KLHL7: variants seen among roughly 807,000 people sequenced by gnomAD.
KLHL7 encodes kelch-like protein 7.
Under a neutral mutation model 67.4 loss-of-function variants are expected in KLHL7, and 44 were observed. The observed-to-expected ratio is 0.65, with a 90% CI of 0.51 to 0.84. The LOEUF (loss-of-function observed/expected upper bound fraction) is 0.84, where lower values mean the gene tolerates loss of function less well. Among genes scored for constraint, KLHL7 ranks in the 40% least tolerant of loss-of-function variants. The pLI is 0.00. For missense variants in KLHL7, 362 were observed against 718.1 expected, an observed-to-expected ratio of 0.50 and a Z score of 5.67; for synonymous variants, 252 against 243.3, an observed-to-expected ratio of 1.04 and a Z score of -0.33.
rs185605261 is a variant in KLHL7, at chr7:23,132,316, G to T, written c.442+7144G>T. On this transcript the variant is annotated intron_variant, in intron 4 of 10. Transcript: ENST00000339077. ...TTTCTCCACATCCTTGCCAGCATTT[G>T]TTATTAACTATCTTTTGGATATGAG... Among the ~76,000 whole-genome samples the T allele has an allele frequency of 3.6e-3, 555 of 152,260 alleles. 3 individuals are homozygous for T. The highest frequency in any genetic ancestry group is 0.012 in the African/African-American group (497 of 41,562).
At chr7:23,119,327 C>A (rs1037548645) in intron 1 of KLHL7, among the ~76,000 whole-genome samples, 6 of 152,140 alleles carry the variant, frequency 3.9e-5, no homozygotes, top group African/African-American at 1.4e-4. Context: ...GCCTCAGCCT[C>A]CTGAGTAGCT....
At chr7:23,106,847 C>CT (rs112396697) in intron 1 of KLHL7, 33,488 of 791,166 alleles carry the variant, frequency 0.042, 53 homozygotes, top group African/African-American at 0.045. Flanking sequence ...AACAAAGAGG[C>CT]TTTTTTTTTT....
chr7:23,108,067 A>G (rs1162472869), intron 1 of KLHL7, among the ~76,000 whole-genome samples: 2 of 152,138 alleles, frequency 1.3e-5, no homozygotes, highest in Non-Finnish European at 2.9e-5. Context: ...TTCTTTAGTA[A>G]ATATTTTTGT....
chr7:23,128,305 T>C (rs1055643963), intron 4 of KLHL7, among the ~76,000 whole-genome samples: 5 of 150,476 alleles, frequency 3.3e-5, no homozygotes, highest in African/African-American at 1.2e-4. Context: ...AGGAAGCCAC[T>C]AGTGAGAAGA....
chr7:23,150,001 A>G (rs1452861142), intron 6 of KLHL7, among the ~76,000 whole-genome samples: 1 of 152,168 alleles, frequency 6.6e-6, no homozygotes, highest in Non-Finnish European at 1.5e-5. Context: ...TGCATGTGTC[A>G]GGAATTTTTG....
chr7:23,120,082 T>G (rs1185715683), intron 1 of KLHL7, among the ~76,000 whole-genome samples: 2 of 152,194 alleles, frequency 1.3e-5, no homozygotes, highest in African/African-American at 4.8e-5. Flanking sequence ...CAATCTCGGC[T>G]CACTGCAACC....
At chr7:23,145,418 G>A (rs1385756498) in intron 6 of KLHL7, among the ~76,000 whole-genome samples, 1 of 151,802 alleles carries the variant, frequency 6.6e-6, no homozygotes, top group Non-Finnish European at 1.5e-5. Context: ...GTTTTCTTAT[G>A]TTGTCTGTAT....
intron 4 of KLHL7, among the ~76,000 whole-genome samples, chr7:23,127,090 C>A (rs929508): frequency 0.43 from 65,831 of 151,942 alleles, 15,696 homozygotes; most frequent in African/African-American, 0.64. Context: ...ATACTATAAA[C>A]GGGGAATTAC....
chr7:23,138,814 G>T (rs1182546149), intron 4 of KLHL7, among the ~76,000 whole-genome samples: 2 of 152,116 alleles, frequency 1.3e-5, no homozygotes, highest in African/African-American at 4.8e-5. Flanking sequence ...GGGATTACAG[G>T]CATGAGCCAC....
chr7:23,106,867 A>G, intron 1 of KLHL7: 1 of 930,352 alleles, frequency 1.1e-6, no homozygotes, highest in Non-Finnish European at 1.3e-6. Context: ...TTTTAATTCC[A>G]TAACATCTAC....
intron 3 of KLHL7, 23 bp from the exon 4 acceptor site, chr7:23,125,025 T>A (rs946591806): frequency 8.7e-6 from 14 of 1,601,374 alleles, no homozygotes; most frequent in Non-Finnish European, 6.8e-6. Context: ...GGGTAACTAA[T>A]ATTCCCTCTA....
chr7:23,115,561 T>C (rs919264088), intron 1 of KLHL7, among the ~76,000 whole-genome samples: 1 of 152,040 alleles, frequency 6.6e-6, no homozygotes, highest in African/African-American at 2.4e-5. Context: ...GTTTTTTTTT[T>C]GAGATGGAGT....
intron 1 of KLHL7, among the ~76,000 whole-genome samples, chr7:23,119,570 G>A (rs1287798579): frequency 6.6e-6 from 1 of 152,240 alleles, no homozygotes; most frequent in Middle Eastern, 3.4e-3. Context: ...ACATGTTACA[G>A]GTTTTGACAA....
At chr7:23,113,355 A>G (rs1048687591) in intron 1 of KLHL7, among the ~76,000 whole-genome samples, 1 of 152,180 alleles carries the variant, frequency 6.6e-6, no homozygotes, top group Non-Finnish European at 1.5e-5. Context: ...AAAAATGAGG[A>G]GGCTAATATA....
intron 8 of KLHL7, among the ~76,000 whole-genome samples, chr7:23,166,907 C>T (rs1307432276): frequency 6.6e-6 from 1 of 151,920 alleles, no homozygotes; most frequent in African/African-American, 2.4e-5. Context: ...ATAGTGTCCA[C>T]CCACTGAACC....
chr7:23,165,589 G>A (rs896421034), intron 7 of KLHL7, 109 bp from the exon 8 acceptor site: 1 of 1,223,546 alleles, frequency 8.2e-7, no homozygotes, highest in Non-Finnish European at 1.2e-6. Context: ...TGTATGTGTA[G>A]TCTAATAAAT....
At chr7:23,113,395 A>G (rs1782955645) in intron 1 of KLHL7, among the ~76,000 whole-genome samples, 1 of 152,212 alleles carries the variant, frequency 6.6e-6, no homozygotes, top group Non-Finnish European at 1.5e-5. Context: ...TTTCAATCCC[A>G]TGGAAACATT....
Position 23,150,741 on chromosome 7 carries a change from G to C in KLHL7, c.794-1326G>C, listed in dbSNP as rs549593309. Reference sequence around the variant, plus strand: ...CCACATCCCCACCATCAATGGAAGAGAGTGCTGCCTCCCCCGATACAACCA... The same window carrying C: ...CCACATCCCCACCATCAATGGAAGACAGTGCTGCCTCCCCCGATACAACCA... On this transcript the variant is annotated intron_variant, in intron 6 of 10. Coordinates refer to ENST00000339077, the MANE Select transcript of KLHL7 (RefSeq NM_001031710.3). Among the ~76,000 whole-genome samples, 6 of 152,280 alleles carry C rather than the reference G, an allele frequency of 3.9e-5. No homozygotes were observed. In the East Asian group the frequency reaches 1.2e-3, roughly 29 times the overall value.
At position 23,174,187 on chromosome 7, in the gene KLHL7, C is replaced by T. The variant is rs142565112; in HGVS notation, c.1650C>T (p.Thr550=). Residue 550 remains threonine (T), a synonymous_variant, in exon 11 of 11, where the codon ACC becomes ACT. Coordinates refer to ENST00000339077, the MANE Select transcript of KLHL7 (RefSeq NM_001031710.3). Reference sequence around the variant, plus strand: ...TAGGACACATTCTCGAATATAATACCGAAACAGACAAATGGGTTGCCAACT... The same window carrying T: ...TAGGACACATTCTCGAATATAATACTGAAACAGACAAATGGGTTGCCAACT... ...GRLGHILEYN[T]ETDKWVANSK... is the part of the protein sequence containing the mutation. The T allele has an allele frequency of 6.6e-5, 107 of 1,613,936 alleles. No homozygotes were observed. The highest frequency in any genetic ancestry group is 1.6e-4 in the Middle Eastern group (1 of 6,082).
Sources: gnomAD v4.1 joint callset for allele counts (sites outside exome capture counted in the v4.1 genomes callset) on GRCh38, gnomAD v4.1.1 for gene constraint, MANE v1.5 for transcripts, NCBI Gene and HGNC (gene_info 2026-07-23, HGNC 2026-07-21) for gene names.